CRISPLD2: variants seen among roughly 807,000 people sequenced by gnomAD.
CRISPLD2 encodes the protein cysteine-rich secretory protein LCCL domain-containing 2.
In CRISPLD2, 47 loss-of-function variants were observed where a neutral mutation model predicts 71.1. The ratio of observed to expected loss-of-function variants is 0.66; its 90% confidence interval spans 0.52 to 0.84. The LOEUF is 0.84. CRISPLD2 is among the 40% of genes least tolerant of loss of function. CRISPLD2 has a pLI of 0.00. For missense variants in CRISPLD2, 830 were observed against 651.1 expected, an observed-to-expected ratio of 1.27 and a Z score of -2.99; for synonymous variants, 317 against 250.1, an observed-to-expected ratio of 1.27 and a Z score of -2.52.
At chr16:84,877,218 C>T (rs551490481) in intron 11 of CRISPLD2, among the ~76,000 whole-genome samples, 16 of 152,324 alleles carry the variant, frequency 1.1e-4, no homozygotes, top group African/African-American at 2.9e-4. Flanking sequence ...GGGGTGACAA[C>T]GCCCTCAACC....
intron 2 of CRISPLD2, among the ~76,000 whole-genome samples, chr16:84,844,484 T>TC (rs1916857449): frequency 6.7e-6 from 1 of 150,292 alleles, no homozygotes; most frequent in Non-Finnish European, 1.5e-5. Context: ...TTCTTTTCTT[T>TC]CTTTTTTTTT....
intron 14 of CRISPLD2, among the ~76,000 whole-genome samples, chr16:84,904,115 C>A (rs1158837310): frequency 6.6e-6 from 1 of 152,204 alleles, no homozygotes; most frequent in Non-Finnish European, 1.5e-5. Flanking sequence ...GAGAATGAGA[C>A]AGCCGTGGTG....
At chr16:84,845,708 G>C in intron 2 of CRISPLD2, 78 bp from the exon 3 acceptor site, 1 of 939,804 alleles carries the variant, frequency 1.1e-6, no homozygotes, top group South Asian at 1.5e-5. Flanking sequence ...AGCCCAGGCT[G>C]GGGCGTTGCT....
intron 3 of CRISPLD2, 161 bp from the exon 4 acceptor site, chr16:84,849,224 C>G (rs989535822): frequency 1.4e-6 from 1 of 697,804 alleles, no homozygotes; most frequent in South Asian, 1.9e-5. Context: ...TATTCCGCCT[C>G]CTCGGCCTCC....
chr16:84,867,112 G>A (rs776932242), intron 7 of CRISPLD2, 72 bp downstream of exon 7: 12 of 1,525,322 alleles, frequency 7.9e-6, no homozygotes, highest in Non-Finnish European at 9.9e-6. Context: ...GGGTGGAGGA[G>A]GGGAGCTAGT....
chr16:84,828,001 G>A (rs1391873729), intron 1 of CRISPLD2, among the ~76,000 whole-genome samples: 1 of 152,132 alleles, frequency 6.6e-6, no homozygotes, highest in East Asian at 1.9e-4. Context: ...GTATTTACCT[G>A]TCCGCTGCCC....
At chr16:84,830,480 G>C (rs1324236678) in intron 1 of CRISPLD2, among the ~76,000 whole-genome samples, 1 of 152,166 alleles carries the variant, frequency 6.6e-6, no homozygotes, top group Non-Finnish European at 1.5e-5. Context: ...GAGGCGGGTG[G>C]ATTGCCTGAG....
In CRISPLD2 at chr16:84,906,820, C is replaced by G. The variant is rs2071807095; in HGVS notation, c.*178C>G. On this transcript the variant is annotated 3_prime_UTR_variant, in exon 15 of 15. Coordinates refer to ENST00000262424, the MANE Select transcript of CRISPLD2 (RefSeq NM_031476.4). ...ACATCTCATCCCCTCACTGAAGCAA[C>G]AGCATCCCAAGGTGCTCAGCCGGAC... The G allele has an allele frequency of 1.3e-6, 1 of 756,046 alleles. No individual in the cohort carries two copies. Among genetic ancestry groups the G allele is most frequent in the African/African-American group, 1.7e-5 (1 of 57,996 alleles). 46.8% of individuals were successfully genotyped at this position (756,046 alleles called of 1,614,324 possible).
At position 84,854,687 on chromosome 16, in the gene CRISPLD2, G is replaced by A. The variant is rs376343622; in HGVS notation, c.609-42G>A. The A allele has an allele frequency of 9.8e-4, 1,458 of 1,483,608 alleles. 2 individuals are homozygous for A. The highest frequency in any genetic ancestry group is 1.2e-3 in the Non-Finnish European group (1,299 of 1,061,268). The allele number at this position is 1,483,608 out of a possible 1,614,324, so 91.9% of individuals were successfully genotyped here. On this transcript the variant is annotated intron_variant, in intron 5 of 14. Transcript: ENST00000262424. ...AAGAGGATCAGTCCCGAGGCCTCAC[G>A]TCGTGGTTCCCTCTGACGGTTGTTT...
At chr16:84,821,172 C>T (rs1220883808) in intron 1 of CRISPLD2, among the ~76,000 whole-genome samples, 2 of 152,164 alleles carry the variant, frequency 1.3e-5, no homozygotes, top group Admixed American at 6.5e-5. Context: ...ATGGGGTGAG[C>T]CTGCTTTCCC....
chr16:84,904,351 A>G (rs901346126), intron 14 of CRISPLD2, among the ~76,000 whole-genome samples: 3 of 85,756 alleles, frequency 3.5e-5, no homozygotes, highest in Non-Finnish European at 7.0e-5. Context: ...TTGGGAGGCC[A>G]AGGAGGGGAG....
At chr16:84,897,849 T>C (rs2071719893) in intron 14 of CRISPLD2, among the ~76,000 whole-genome samples, 2 of 152,236 alleles carry the variant, frequency 1.3e-5, no homozygotes, top group South Asian at 4.1e-4. Context: ...ACCCCTGACC[T>C]CAGGTGATCC....
At chr16:84,874,103 C>T in intron 11 of CRISPLD2, 140 bp downstream of exon 11, 1 of 798,580 alleles carries the variant, frequency 1.3e-6, no homozygotes, top group Non-Finnish European at 2.0e-6. Flanking sequence ...AAGCCTTTTT[C>T]AAGACGTCAT....
chr16:84,820,755 G>C (rs1429860220), intron 1 of CRISPLD2, among the ~76,000 whole-genome samples: 1 of 152,094 alleles, frequency 6.6e-6, no homozygotes, highest in East Asian at 1.9e-4. Context: ...TAGAGACTTG[G>C]GGCCATGTCA....
chr16:84,831,834 A>C (rs1916496443), intron 1 of CRISPLD2, among the ~76,000 whole-genome samples: 2 of 152,058 alleles, frequency 1.3e-5, no homozygotes, highest in African/African-American at 2.4e-5. Flanking sequence ...TCCCAGATTC[A>C]AGTGATTTTC....
rs577763560 is a variant in CRISPLD2 at position 84,901,670 on chromosome 16, G to A, written c.1440-4918G>A. Among the ~76,000 whole-genome samples the A allele has an allele frequency of 6.0e-5, 9 of 149,708 alleles. No homozygotes were observed. The South Asian group carries it at 1.3e-3, about 21-fold the overall frequency. On this transcript the variant is annotated intron_variant, in intron 14 of 14. Transcript: ENST00000262424. ...TTTTTGTATTTTTGGTAGAGATGGG[G>A]TTTCACCATCTTGGCCAGGCTGGTC...
chr16:84,886,834 C>G (rs2071617771), intron 13 of CRISPLD2, among the ~76,000 whole-genome samples: 1 of 152,194 alleles, frequency 6.6e-6, no homozygotes, highest in Non-Finnish European at 1.5e-5. Flanking sequence ...AAATACATAA[C>G]ATTAAACTTA....
Position 84,861,631 on chromosome 16 carries a change from C to T in CRISPLD2, c.710-5266C>T, listed in dbSNP as rs187901519. 3.9e-5 allele frequency among the ~76,000 whole-genome samples: 6 copies of T among 152,280 alleles called. No individual in the cohort carries two copies. The East Asian group carries it at 7.7e-4, about 20-fold the overall frequency. On this transcript the variant is annotated intron_variant, in intron 6 of 14. Coordinates refer to ENST00000262424, the MANE Select transcript of CRISPLD2 (RefSeq NM_031476.4). Reference sequence around the variant, plus strand: ...CTCAAATGTTAATCTCCTTTGGCAGCACCTTCACAGACACACCCAGGATCA... The same window carrying T: ...CTCAAATGTTAATCTCCTTTGGCAGTACCTTCACAGACACACCCAGGATCA...
chr16:84,900,611 A>G (rs1290109735), intron 14 of CRISPLD2, among the ~76,000 whole-genome samples: 1 of 152,098 alleles, frequency 6.6e-6, no homozygotes, highest in African/African-American at 2.4e-5. Context: ...TGCAGGTGTT[A>G]TCTTTATGCA....
Sources: allele counts gnomAD v4.1 joint callset (sites outside exome capture counted in the v4.1 genomes callset), GRCh38; gene constraint gnomAD v4.1.1; transcripts MANE v1.5; gene names NCBI Gene and HGNC (gene_info 2026-07-23, HGNC 2026-07-21).